POLR1C: variants seen among roughly 807,000 people sequenced by gnomAD.
POLR1C encodes RNA polymerase I and III subunit C, also known as DNA-directed RNA polymerases I and III subunit RPAC1.
A neutral mutation model predicts 38.3 loss-of-function variants in POLR1C; 42 were observed. The ratio of observed to expected loss-of-function variants is 1.10; its 90% CI spans 0.86 to 1.42. The LOEUF (loss-of-function observed/expected upper bound fraction) is 1.42. Ranked by LOEUF, POLR1C falls within the 40% of genes most tolerant of loss-of-function variation. POLR1C has a pLI of 0.00. For synonymous variants in POLR1C, 163 were observed against 163.9 expected (o/e 0.99, Z 0.04); for missense variants, 507 against 450.5 (o/e 1.13, Z -1.14).
rs1792875382 is a variant in POLR1C at position 43,517,168 on chromosome 6, G to C, written c.59G>C (p.Gly20Ala). 1 of 1,614,014 alleles carries C rather than the reference G, an allele frequency of 6.2e-7. No individual in the cohort carries two copies. Among genetic ancestry groups the C allele is most frequent in the South Asian group, 1.1e-5 (1 of 91,078 alleles). The change falls in exon 1 of 9, where the codon GGG (glycine) becomes GCG (alanine). Residue 20 changes from glycine to alanine, a missense_variant. Physicochemically the swap from Gly to Ala is moderately conservative, Grantham distance 60 (BLOSUM62 0). Transcript: ENST00000642195. ...AGCCGCGTGGTTCTGGGGGAGTTTG[G>C]GGTTCGCAATGTAAGCCTTGTGGCC... ...MRSRVVLGEFGVRNVHTTDFP... is the reference protein window; with the variant it reads ...MRSRVVLGEFAVRNVHTTDFP...
intron 10 of POLR1C, among the ~76,000 whole-genome samples, chr6:43,552,693 A>G (rs775307978): frequency 2.6e-5 from 4 of 152,116 alleles, no homozygotes; most frequent in Non-Finnish European, 5.9e-5. Flanking sequence ...TTATTGGATT[A>G]TATCTTTTGT....
chr6:43,556,496 C>A (rs1349997292), intron 10 of POLR1C, among the ~76,000 whole-genome samples: 5 of 149,678 alleles, frequency 3.3e-5, no homozygotes, highest in Admixed American at 3.3e-4. Flanking sequence ...ACCACTCTTG[C>A]CTGGACAACA....
At chr6:43,527,650 T>C in intron 8 of POLR1C, 1 of 1,613,978 alleles carries the variant, frequency 6.2e-7, no homozygotes, top group South Asian at 1.1e-5. Flanking sequence ...GGTCCATGAC[T>C]TCTCGGGTTA....
At position 43,557,783 on chromosome 6, in the gene POLR1C, TAAAA is replaced by T. The variant is rs59661301; in HGVS notation, c.*49-3594_*49-3591del. On this transcript the variant is annotated intron_variant, in intron 10 of 10. Transcript: ENST00000607635. The stretch of plus-strand genomic sequence containing the variant: ...AATGAATTTTGTCTCAATAAAGCTG[TAAAA>T]AAAAAAAAAAAAAAAAAAAAAAGGA... Among the ~76,000 whole-genome samples, 72 of 87,234 alleles carry T rather than the reference TAAAA, an allele frequency of 8.3e-4. 1 individual carries two copies. The highest frequency in any genetic ancestry group is 7.4e-3 in the Middle Eastern group (1 of 136). 57.2% of individuals were successfully genotyped at this position (87,234 alleles called of 152,430 possible). A position where few individuals can be genotyped will look rare whatever the true frequency, so the allele number is the denominator to read the frequency against.
intron 2 of POLR1C, 120 bp downstream of exon 2, chr6:43,517,497 A>G: frequency 1.2e-6 from 1 of 844,164 alleles, no homozygotes; most frequent in African/African-American, 1.7e-5. Context: ...TTTGTTGAGC[A>G]ATGTGCTAGA....
intron 9 of POLR1C, among the ~76,000 whole-genome samples, chr6:43,542,362 C>T (rs1794739128): frequency 1.3e-5 from 2 of 152,098 alleles, no homozygotes; most frequent in Non-Finnish European, 2.9e-5. Context: ...TACCTTGCTA[C>T]ATTCTTAAAG....
intron 9 of POLR1C, among the ~76,000 whole-genome samples, chr6:43,542,214 A>G (rs994406215): frequency 6.6e-6 from 1 of 152,100 alleles, no homozygotes; most frequent in African/African-American, 2.4e-5. Context: ...TACCAGACCA[A>G]TTCTGAAAGT....
At chr6:43,556,231 A>C in intron 10 of POLR1C, 1 of 361,990 alleles carries the variant, frequency 2.8e-6, no homozygotes, top group African/African-American at 2.1e-5. Flanking sequence ...TTTGAATTAA[A>C]AGGAAATCAG....
At chr6:43,528,213 AAC>A (rs1240146376) in intron 8 of POLR1C, 2 of 1,586,640 alleles carry the variant, frequency 1.3e-6, no homozygotes, top group Non-Finnish European at 8.6e-7. Flanking sequence ...CCTCTGGGAA[AAC>A]ACAAAGGAAA....
intron 8 of POLR1C, among the ~76,000 whole-genome samples, chr6:43,528,645 G>T (rs1005368685): frequency 3.9e-5 from 6 of 152,146 alleles, no homozygotes; most frequent in African/African-American, 1.2e-4. Flanking sequence ...AATTAAATCA[G>T]TTTAGTTCTT....
exon 11 of POLR1C, chr6:43,562,143 C>T: frequency 1.2e-6 from 1 of 803,242 alleles, no homozygotes; most frequent in Non-Finnish European, 2.0e-6. Context: ...ACTGCCCCAT[C>T]AGGCTAAAAT....
downstream of POLR1C, chr6:43,525,797 C>T (rs1263966062): frequency 6.2e-7 from 1 of 1,601,150 alleles, no homozygotes; most frequent in African/African-American, 1.3e-5. Context: ...TGACTCCCCA[C>T]CTGGGCAAGG....
chr6:43,544,334 T>C (rs538659957), intron 9 of POLR1C: 1 of 153,114 alleles, frequency 6.5e-6, no homozygotes, highest in African/African-American at 2.4e-5. Flanking sequence ...AGGAAAAAAC[T>C]GGAGAAAGAC....
At chr6:43,523,682 G>T, downstream of POLR1C, 1 of 922,940 alleles carries the variant, frequency 1.1e-6, no homozygotes, top group Non-Finnish European at 1.8e-6. Context: ...TCCCTTTCTT[G>T]ATACTTTAGT....
At chr6:43,541,695 C>A (rs1006180847) in intron 9 of POLR1C, among the ~76,000 whole-genome samples, 38 of 152,188 alleles carry the variant, frequency 2.5e-4, no homozygotes, top group African/African-American at 8.2e-4. Context: ...TGGCTTCTTT[C>A]ACTTAGCATA....
chr6:43,525,164 T>C, downstream of POLR1C: 1 of 1,585,680 alleles, frequency 6.3e-7, no homozygotes, highest in Non-Finnish European at 8.6e-7. Flanking sequence ...ACAGAGTATC[T>C]TTCCAGGCCA....
intron 9 of POLR1C, among the ~76,000 whole-genome samples, chr6:43,548,715 G>A (rs988562462): frequency 6.6e-6 from 1 of 150,812 alleles, no homozygotes; most frequent in East Asian, 1.9e-4. Flanking sequence ...AGATCAGCTT[G>A]TTTTATATAT....
chr6:43,520,811 A>G, intron 7 of POLR1C, 37 bp downstream of exon 7: 1 of 1,612,432 alleles, frequency 6.2e-7, no homozygotes. Context: ...TTAGGACCTA[A>G]ATTATATTTT....
Position 43,521,001 on chromosome 6 carries a change from A to T in POLR1C, c.875A>T (p.Lys292Met), listed in dbSNP as rs374854435. The T allele has an allele frequency of 6.2e-7, 1 of 1,614,096 alleles. No homozygotes were observed. Among genetic ancestry groups the T allele is most frequent in the Admixed American group, 1.7e-5 (1 of 60,004 alleles). ...AGCAGAGAAATCTTCCGGAATGAGA[A>T]GCTAAAGAAGGTTGTGAGGCTTGCC... ...TFSREIFRNE[K>M]LKKVVRLARV... The change falls in exon 8 of 9, where the codon AAG becomes ATG. Residue 292 changes from lysine to methionine, a missense_variant. By Grantham distance (95) the Lys-to-Met change is moderately conservative. Coordinates refer to ENST00000642195, the MANE Select transcript of POLR1C (RefSeq NM_203290.4).
Sources: allele counts gnomAD v4.1 joint callset (sites outside exome capture counted in the v4.1 genomes callset), GRCh38; gene constraint gnomAD v4.1.1; transcripts MANE v1.5; gene names NCBI Gene and HGNC (gene_info 2026-07-23, HGNC 2026-07-21).